SLC44A1: variants seen among roughly 807,000 people sequenced by gnomAD.
SLC44A1 encodes the protein solute carrier family 44 member 1.
In SLC44A1, 26 loss-of-function variants were observed where a neutral mutation model predicts 79.3. The observed-to-expected ratio is 0.33, with a 90% CI of 0.24 to 0.46. The LOEUF is 0.46. Ranked by LOEUF, SLC44A1 falls within the 20% of genes least tolerant of loss-of-function variation. The pLI is 1.00. For synonymous variants in SLC44A1, 263 were observed against 286.2 expected (o/e 0.92, Z 0.82); for missense variants, 688 against 798.1 (o/e 0.86, Z 1.66).
chr9:105,336,473 A>G (rs775771198), intron 4 of SLC44A1, among the ~76,000 whole-genome samples: 2 of 152,126 alleles, frequency 1.3e-5, no homozygotes. Flanking sequence ...GGCTTGCCTC[A>G]GTTCTCTTCA....
chr9:105,370,656 G>A (rs1447241379), intron 12 of SLC44A1, among the ~76,000 whole-genome samples: 1 of 152,178 alleles, frequency 6.6e-6, no homozygotes, highest in Non-Finnish European at 1.5e-5. Flanking sequence ...AGCTTTTATA[G>A]TTTAGTTTGG....
intron 1 of SLC44A1, among the ~76,000 whole-genome samples, chr9:105,258,641 T>TAA (rs1829768058): frequency 6.6e-6 from 1 of 152,134 alleles, no homozygotes; most frequent in Non-Finnish European, 1.5e-5. Flanking sequence ...AGATACCACT[T>TAA]TTTTGTCTCT....
intron 13 of SLC44A1, among the ~76,000 whole-genome samples, chr9:105,382,131 G>T (rs1828485575): frequency 6.6e-6 from 1 of 152,102 alleles, no homozygotes; most frequent in African/African-American, 2.4e-5. Context: ...ATTTGAGTAG[G>T]ATCTGTTCTT....
chr9:105,274,512 C>T (rs987001228), intron 1 of SLC44A1, among the ~76,000 whole-genome samples: 12 of 152,142 alleles, frequency 7.9e-5, no homozygotes, highest in African/African-American at 2.7e-4. Flanking sequence ...CCACACTGAC[C>T]ACCTCCTTCT....
intron 15 of SLC44A1, among the ~76,000 whole-genome samples, chr9:105,420,786 G>C (rs113505763): frequency 0.024 from 3,596 of 150,482 alleles, 122 homozygotes; most frequent in African/African-American, 0.083. Context: ...ACTTGAACCC[G>C]GGAGGCGGAG....
chr9:105,288,718 T>C (rs1487802927), intron 1 of SLC44A1, among the ~76,000 whole-genome samples: 1 of 152,256 alleles, frequency 6.6e-6, no homozygotes, highest in East Asian at 1.9e-4. Context: ...CTAAAAGTGG[T>C]TAACCAATTT....
chr9:105,420,896 T>A lies in SLC44A1; in HGVS notation c.1951-17385T>A, dbSNP rs1050181072. Among the ~76,000 whole-genome samples, 3 of 142,204 alleles carry A rather than the reference T, an allele frequency of 2.1e-5. No individual in the cohort carries two copies. The Admixed American group carries it at 2.1e-4, about 10-fold the overall frequency. The allele number at this position is 142,204 out of a possible 152,430, so 93.3% of individuals were successfully genotyped here. On this transcript the variant is annotated intron_variant, in intron 15 of 15. Coordinates refer to the SLC44A1 transcript ENST00000374724. ...AAAAAAAAAAAAAAAAAAAGGATGG[T>A]CTAGATAGACGTGCTGTTGTGTTGC...
At chr9:105,291,383 C>T (rs950110706) in intron 1 of SLC44A1, among the ~76,000 whole-genome samples, 3 of 152,186 alleles carry the variant, frequency 2.0e-5, no homozygotes, top group Non-Finnish European at 2.9e-5. Flanking sequence ...ACACTTGAAT[C>T]GCACAAATGT....
At chr9:105,367,934 G>A (rs978549169) in intron 12 of SLC44A1, among the ~76,000 whole-genome samples, 4 of 152,120 alleles carry the variant, frequency 2.6e-5, no homozygotes, top group Non-Finnish European at 5.9e-5. Context: ...AGCTAGCACA[G>A]TGCCCAGTAT....
intron 4 of SLC44A1, among the ~76,000 whole-genome samples, chr9:105,342,730 T>C (rs1827134987): frequency 6.6e-6 from 1 of 152,208 alleles, no homozygotes; most frequent in South Asian, 2.1e-4. Flanking sequence ...AGCCCTGAGT[T>C]TTGTTTCAAC....
chr9:105,267,818 T>C (rs1002272049), intron 1 of SLC44A1, among the ~76,000 whole-genome samples: 3 of 152,150 alleles, frequency 2.0e-5, no homozygotes, highest in African/African-American at 7.2e-5. Context: ...TTTGAAAGCA[T>C]TGTATTATTT....
intron 6 of SLC44A1, among the ~76,000 whole-genome samples, chr9:105,357,595 G>A (rs1827658533): frequency 6.6e-6 from 1 of 152,104 alleles, no homozygotes; most frequent in African/African-American, 2.4e-5. Flanking sequence ...CCATGCAAGG[G>A]TTAAATCTTT....
intron 13 of SLC44A1, among the ~76,000 whole-genome samples, chr9:105,379,838 T>C (rs1828407393): frequency 6.6e-6 from 1 of 152,232 alleles, no homozygotes; most frequent in African/African-American, 2.4e-5. Flanking sequence ...TTTGCTTCTG[T>C]GTGAAATTAC....
intron 1 of SLC44A1, chr9:105,294,594 A>G (rs888913096): frequency 2.0e-5 from 3 of 152,070 alleles, no homozygotes; most frequent in African/African-American, 7.2e-5. Flanking sequence ...GCTGCCTTCA[A>G]GAAGATCTTT....
intron 3 of SLC44A1, among the ~76,000 whole-genome samples, chr9:105,310,508 C>A (rs1019107108): frequency 8.5e-5 from 13 of 152,072 alleles, no homozygotes; most frequent in African/African-American, 3.1e-4. Flanking sequence ...TATATTTGTA[C>A]AGACTATATA....
In SLC44A1 at chr9:105,381,529, C is replaced by T. The variant is rs112432766; in HGVS notation, c.1633-1594C>T. 1.3e-3 allele frequency among the ~76,000 whole-genome samples: 185 copies of T among 145,506 alleles called. 1 individual carries two copies. Among genetic ancestry groups the T allele is most frequent in the Middle Eastern group, 0.011 (3 of 276 alleles). On this transcript the variant is annotated intron_variant, in intron 13 of 15. Coordinates refer to ENST00000374720, the MANE Select transcript of SLC44A1 (RefSeq NM_080546.5). Reference sequence around the variant, plus strand: ...TGCCACTGCACTCCAGCCTGGGCAACAGAGCAAGACTCTGTCTCGAAAAAA... The same window carrying T: ...TGCCACTGCACTCCAGCCTGGGCAATAGAGCAAGACTCTGTCTCGAAAAAA...
chr9:105,305,255 C>G (rs548734523), intron 2 of SLC44A1, among the ~76,000 whole-genome samples: 3 of 152,144 alleles, frequency 2.0e-5, no homozygotes, highest in Admixed American at 1.3e-4. Context: ...CAGGGATGAA[C>G]CACTGCTCCT....
chr9:105,322,154 G>T (rs1826413145), intron 3 of SLC44A1, among the ~76,000 whole-genome samples: 1 of 152,242 alleles, frequency 6.6e-6, no homozygotes, highest in Non-Finnish European at 1.5e-5. Context: ...TCTAGGCTAA[G>T]TGTAGTTACT....
At chr9:105,410,719 A>G (rs1217790336) in intron 15 of SLC44A1, among the ~76,000 whole-genome samples, 1 of 152,256 alleles carries the variant, frequency 6.6e-6, no homozygotes, top group African/African-American at 2.4e-5. Context: ...CAGGTGTTCA[A>G]AGAAAAACTT....
Sources: gnomAD v4.1 joint callset for allele counts (sites outside exome capture counted in the v4.1 genomes callset) on GRCh38, gnomAD v4.1.1 for gene constraint, MANE v1.5 for transcripts, NCBI Gene and HGNC (gene_info 2026-07-23, HGNC 2026-07-21) for gene names.